The following TTC29 variants were observed in gnomAD, a reference collection of about 807,000 sequenced individuals.
The protein encoded by TTC29 is tetratricopeptide repeat domain 29.
A neutral mutation model predicts 58.1 loss-of-function variants in TTC29; 49 were observed. That is an observed-to-expected ratio of 0.84 (90% confidence interval 0.67 to 1.07). The LOEUF (loss-of-function observed/expected upper bound fraction) is 1.07. Ranked by LOEUF, TTC29 falls within the 50% of genes least tolerant of loss-of-function variation. The pLI is 0.00. For missense variants in TTC29, 582 were observed against 555.6 expected (o/e 1.05, Z -0.48); for synonymous variants, 209 against 196.8 (o/e 1.06, Z -0.52).
At chr4:146,850,515 G>A (rs993938778) in intron 8 of TTC29, among the ~76,000 whole-genome samples, 1 of 152,176 alleles carries the variant, frequency 6.6e-6, no homozygotes, top group African/African-American at 2.4e-5. Flanking sequence ...ATGGTGTCTT[G>A]CAACAATGCC....
intron 11 of TTC29, among the ~76,000 whole-genome samples, chr4:146,741,101 G>A (rs146256722): frequency 2.6e-4 from 40 of 152,300 alleles, no homozygotes; most frequent in Admixed American, 1.0e-3. Context: ...CCAGTAGTGT[G>A]AACCTTACTT....
intron 11 of TTC29, among the ~76,000 whole-genome samples, chr4:146,724,720 G>C: frequency 6.6e-6 from 1 of 152,052 alleles, no homozygotes; most frequent in South Asian, 2.1e-4. Context: ...CACCACGTTC[G>C]CCAGGCTGGT....
intron 8 of TTC29, among the ~76,000 whole-genome samples, chr4:146,856,639 T>TA (rs544402369): frequency 6.6e-6 from 1 of 151,028 alleles, no homozygotes; most frequent in South Asian, 2.1e-4. Context: ...ATAATCAAGG[T>TA]AAAAAAAGAA....
chr4:146,814,443 G>T (rs1390078707), intron 10 of TTC29, among the ~76,000 whole-genome samples: 1 of 151,166 alleles, frequency 6.6e-6, no homozygotes, highest in Non-Finnish European at 1.5e-5. Flanking sequence ...GGGGGTGGTG[G>T]GGGGACGGGC....
At chr4:146,939,746 T>C in intron 3 of TTC29, 58 bp downstream of exon 3, 1 of 1,429,216 alleles carries the variant, frequency 7.0e-7, no homozygotes, top group Non-Finnish European at 9.6e-7. Context: ...ATTATTGACA[T>C]TTCTTATTAC....
At chr4:146,932,966 G>A (rs528649015) in intron 4 of TTC29, among the ~76,000 whole-genome samples, 2 of 151,976 alleles carry the variant, frequency 1.3e-5, no homozygotes, top group African/African-American at 4.8e-5. Context: ...GCTGAAGCAG[G>A]AGAATGGCTT....
chr4:146,939,653 C>A, intron 3 of TTC29, 151 bp downstream of exon 3: 1 of 682,548 alleles, frequency 1.5e-6, no homozygotes, highest in South Asian at 2.0e-5. Flanking sequence ...TTCATAAATC[C>A]TTTTGAAACA....
intron 11 of TTC29, among the ~76,000 whole-genome samples, chr4:146,787,895 C>CT (rs1325869111): frequency 1.3e-5 from 1 of 75,536 alleles, no homozygotes; most frequent in Non-Finnish European, 2.2e-5. Flanking sequence ...CCAATCTGCC[C>CT]CCTTTTTTTT....
chr4:146,838,537 AC>A (rs916219550), intron 8 of TTC29, among the ~76,000 whole-genome samples: 7 of 152,148 alleles, frequency 4.6e-5, no homozygotes, highest in African/African-American at 1.4e-4. Flanking sequence ...ACATAGGAAG[AC>A]ATTATTAGGT....
At chr4:146,707,591 C>T in intron 11 of TTC29, 40 bp from the exon 12 acceptor site, 6 of 1,408,506 alleles carry the variant, frequency 4.3e-6, no homozygotes, top group Non-Finnish European at 5.9e-6. Flanking sequence ...TTATCATGAA[C>T]ACAGTTTATA....
chr4:146,853,382 A>AT (rs1185007507), intron 8 of TTC29, among the ~76,000 whole-genome samples: 3 of 152,104 alleles, frequency 2.0e-5, no homozygotes, highest in African/African-American at 7.2e-5. Flanking sequence ...TAATAACCTG[A>AT]TTTTTTTGTT....
At chr4:146,814,502 C>A (rs370474198) in intron 10 of TTC29, among the ~76,000 whole-genome samples, 76 of 151,998 alleles carry the variant, frequency 5.0e-4, no homozygotes, top group African/African-American at 1.7e-3. Context: ...CCGAAGTGGG[C>A]GGATCATGAG....
At chr4:146,886,227 T>C (rs1201427115) in intron 6 of TTC29, among the ~76,000 whole-genome samples, 2 of 152,084 alleles carry the variant, frequency 1.3e-5, no homozygotes, top group Non-Finnish European at 2.9e-5. Context: ...ATGCCTCCTG[T>C]ATCTTCCTTC....
intron 11 of TTC29, among the ~76,000 whole-genome samples, chr4:146,790,596 TTAAG>T (rs1749377849): frequency 6.6e-6 from 1 of 152,160 alleles, no homozygotes; most frequent in South Asian, 2.1e-4. Flanking sequence ...ATTCCTATGC[TTAAG>T]TAATTTTCTA....
rs369374851 is a variant in TTC29 at position 146,778,976 on chromosome 4, C to CAAAAAAAAAAAAAAAAAAAAAAAAAAAA, written c.1330+24480_1330+24481insTTTTTTTTTTTTTTTTTTTTTTTTTTTT. On this transcript the variant is annotated intron_variant, in intron 11 of 12. Coordinates refer to ENST00000325106, the MANE Select transcript of TTC29 (RefSeq NM_031956.4). Reference sequence around the variant, plus strand: ...AACTGCACTTGTACTCCTAAATAAGCAAAAAAAAAAAAAAAAAAAAAAAAA... The same window carrying CAAAAAAAAAAAAAAAAAAAAAAAAAAAA: ...AACTGCACTTGTACTCCTAAATAAGCAAAAAAAAAAAAAAAAAAAAAAAAAAAAAAAAAAAAAAAAAAAAAAAAAAAAA... Among the ~76,000 whole-genome samples, 39 of 28,554 alleles carry CAAAAAAAAAAAAAAAAAAAAAAAAAAAA rather than the reference C, an allele frequency of 1.4e-3. 1 individual carries two copies. Among genetic ancestry groups the CAAAAAAAAAAAAAAAAAAAAAAAAAAAA allele is most frequent in the African/African-American group, 4.7e-3 (23 of 4,868 alleles). 18.7% of individuals were successfully genotyped at this position (28,554 alleles called of 152,430 possible).
intron 8 of TTC29, among the ~76,000 whole-genome samples, chr4:146,857,298 G>GTGTGTGTGTGTGTGTGT (rs1561193683): frequency 6.6e-6 from 1 of 151,628 alleles, no homozygotes; most frequent in East Asian, 1.9e-4. Context: ...GTGTGTGTGT[G>GTGTGTGTGTGTGTGTGT]GAGGGTAATG....
Position 146,819,039 on chromosome 4 carries a change from G to A in TTC29, c.1101+1086C>T, listed in dbSNP as rs142728051. On this transcript the variant is annotated intron_variant, in intron 10 of 12. Coordinates refer to ENST00000325106, the MANE Select transcript of TTC29 (RefSeq NM_031956.4). ...GTTAATGGGTGCAGCACACCAGCATGGCACACGTATACATATGTAACTAAC... is the reference window on the plus strand; with the variant it reads ...GTTAATGGGTGCAGCACACCAGCATAGCACACGTATACATATGTAACTAAC... Among the ~76,000 whole-genome samples the A allele has an allele frequency of 4.8e-3, 727 of 151,272 alleles. 5 individuals are homozygous for A. Among genetic ancestry groups the A allele is most frequent in the African/African-American group, 0.017 (685 of 41,170 alleles).
intron 10 of TTC29, among the ~76,000 whole-genome samples, chr4:146,813,473 T>G (rs1751167052): frequency 6.6e-6 from 1 of 152,216 alleles, no homozygotes; most frequent in Admixed American, 6.5e-5. Flanking sequence ...TTTTAAGATG[T>G]GCTAATTCTA....
chr4:146,863,012 C>T (rs543766683), intron 8 of TTC29, among the ~76,000 whole-genome samples: 6 of 151,712 alleles, frequency 4.0e-5, no homozygotes, highest in Non-Finnish European at 7.4e-5. Context: ...GTCCCAGCTA[C>T]TCAGGAGGCT....
Sources: allele counts gnomAD v4.1 joint callset (sites outside exome capture counted in the v4.1 genomes callset), GRCh38; gene constraint gnomAD v4.1.1; transcripts MANE v1.5; gene names NCBI Gene and HGNC (gene_info 2026-07-23, HGNC 2026-07-21).